LRMDA: variants seen among roughly 807,000 people sequenced by gnomAD.
LRMDA encodes the protein leucine-rich melanocyte differentiation-associated protein.
In LRMDA, 18 loss-of-function variants were observed where a neutral mutation model predicts 29.8. The observed-to-expected ratio is 0.60, with a 90% CI of 0.42 to 0.90. The LOEUF (loss-of-function observed/expected upper bound fraction) is 0.90. Among genes scored for constraint, LRMDA ranks in the 40% least tolerant of loss-of-function variants. The pLI is 0.00. For missense variants in LRMDA, 273 were observed against 273.9 expected, an observed-to-expected ratio of 1.00 and a Z score of 0.02; for synonymous variants, 125 against 109.4, an observed-to-expected ratio of 1.14 and a Z score of -0.89.
chr10:75,891,113 A>AG (rs1206064004), intron 2 of LRMDA, among the ~76,000 whole-genome samples: 3 of 151,648 alleles, frequency 2.0e-5, no homozygotes, highest in African/African-American at 4.8e-5. Flanking sequence ...TCACAAAAAA[A>AG]AAAAAGAAAG....
intron 6 of LRMDA, among the ~76,000 whole-genome samples, chr10:76,504,408 T>A (rs1373197183): frequency 6.6e-6 from 1 of 152,060 alleles, no homozygotes; most frequent in Non-Finnish European, 1.5e-5. Context: ...CAATGATATG[T>A]CAGTAAAGTC....
intron 2 of LRMDA, among the ~76,000 whole-genome samples, chr10:75,809,865 C>A (rs1843926219): frequency 6.6e-6 from 1 of 152,076 alleles, no homozygotes; most frequent in Non-Finnish European, 1.5e-5. Context: ...TTTTCAGAGT[C>A]CAATGCTAAA....
chr10:76,529,282 G>A (rs145566476), intron 6 of LRMDA, among the ~76,000 whole-genome samples: 68 of 152,182 alleles, frequency 4.5e-4, no homozygotes, highest in African/African-American at 1.6e-3. Context: ...AGGTCTTTTG[G>A]AAAGGCTTAG....
At chr10:75,696,308 C>T (rs531446344) in intron 2 of LRMDA, among the ~76,000 whole-genome samples, 75 of 152,248 alleles carry the variant, frequency 4.9e-4, no homozygotes, top group African/African-American at 1.8e-3. Context: ...CTAAAGATGG[C>T]GGAGCAGTCA....
intron 5 of LRMDA, among the ~76,000 whole-genome samples, chr10:76,093,805 A>G (rs1473911578): frequency 6.6e-6 from 1 of 152,122 alleles, no homozygotes; most frequent in East Asian, 1.9e-4. Flanking sequence ...CTGAGGTCTC[A>G]CGTTCCCCCA....
chr10:75,751,035 T>C (rs1202814489), intron 2 of LRMDA, among the ~76,000 whole-genome samples: 2 of 152,196 alleles, frequency 1.3e-5, no homozygotes, highest in African/African-American at 4.8e-5. Context: ...CATTGAGCAC[T>C]GAGTGAGCGA....
intron 2 of LRMDA, among the ~76,000 whole-genome samples, chr10:75,899,755 A>G (rs1845640210): frequency 6.6e-6 from 1 of 152,152 alleles, no homozygotes; most frequent in Non-Finnish European, 1.5e-5. Context: ...ACATATCCCC[A>G]AAGTACTAGT....
intron 5 of LRMDA, among the ~76,000 whole-genome samples, chr10:76,165,489 C>T (rs1335931982): frequency 1.3e-5 from 2 of 152,146 alleles, no homozygotes; most frequent in African/African-American, 4.8e-5. Flanking sequence ...CCAGGCTGGC[C>T]TCAAATGCCT....
At chr10:75,783,038 C>A (rs1019976071) in intron 2 of LRMDA, 1 of 1,613,954 alleles carries the variant, frequency 6.2e-7, no homozygotes, top group Non-Finnish European at 8.5e-7. Flanking sequence ...CCAGACAGGA[C>A]CCTTAATCAA....
intron 5 of LRMDA, among the ~76,000 whole-genome samples, chr10:76,317,940 AACC>A (rs1840720704): frequency 6.6e-6 from 1 of 152,166 alleles, no homozygotes; most frequent in African/African-American, 2.4e-5. Context: ...TAAAAACCAC[AACC>A]TATGTATTAT....
intron 5 of LRMDA, among the ~76,000 whole-genome samples, chr10:76,146,133 G>C (rs1480724025): frequency 6.6e-6 from 1 of 152,098 alleles, no homozygotes; most frequent in African/African-American, 2.4e-5. Context: ...TTTTGGAGTA[G>C]GTGTGGTGTG....
intron 6 of LRMDA, among the ~76,000 whole-genome samples, chr10:76,335,992 C>G (rs550236794): frequency 6.6e-6 from 1 of 152,218 alleles, no homozygotes; most frequent in East Asian, 1.9e-4. Context: ...TTGGAGTGCC[C>G]TGGCCAACAG....
chr10:76,266,363 A>G (rs1840006795), intron 5 of LRMDA, among the ~76,000 whole-genome samples: 1 of 152,172 alleles, frequency 6.6e-6, no homozygotes, highest in African/African-American at 2.4e-5. Context: ...ATTACCTGTT[A>G]GCTGCTAGAG....
At chr10:75,815,987 T>G (rs1022157999) in intron 2 of LRMDA, among the ~76,000 whole-genome samples, 2 of 152,194 alleles carry the variant, frequency 1.3e-5, no homozygotes, top group African/African-American at 4.8e-5. Flanking sequence ...AATTTGAACC[T>G]AGGCAGTCTG....
At chr10:76,095,414 T>A (rs1242599684) in intron 5 of LRMDA, among the ~76,000 whole-genome samples, 1 of 152,260 alleles carries the variant, frequency 6.6e-6, no homozygotes, top group African/African-American at 2.4e-5. Flanking sequence ...TTGGTGATTA[T>A]GAATAAAGCT....
intron 2 of LRMDA, among the ~76,000 whole-genome samples, chr10:75,486,959 T>C (rs932918668): frequency 5.9e-5 from 9 of 152,218 alleles, no homozygotes; most frequent in Non-Finnish European, 1.2e-4. Flanking sequence ...CTCAGTTTGA[T>C]AGCATTAGCT....
intron 2 of LRMDA, among the ~76,000 whole-genome samples, chr10:75,936,793 C>A (rs922444924): frequency 6.6e-6 from 1 of 152,142 alleles, no homozygotes; most frequent in Non-Finnish European, 1.5e-5. Context: ...ACTCTTATGA[C>A]CTCACCACCT....
At chr10:76,412,088 A>G (rs1841968256) in intron 6 of LRMDA, among the ~76,000 whole-genome samples, 1 of 152,220 alleles carries the variant, frequency 6.6e-6, no homozygotes, top group Non-Finnish European at 1.5e-5. Flanking sequence ...AATTTTGAAC[A>G]TTTCCCAAAT....
At chr10:76,378,298 G>T (rs1395778226) in intron 6 of LRMDA, among the ~76,000 whole-genome samples, 1 of 151,466 alleles carries the variant, frequency 6.6e-6, no homozygotes, top group East Asian at 2.0e-4. Flanking sequence ...AGTCGTTAAA[G>T]TTTTCTAGGT....
Sources: allele counts gnomAD v4.1 joint callset (sites outside exome capture counted in the v4.1 genomes callset), GRCh38; gene constraint gnomAD v4.1.1; transcripts MANE v1.5; gene names NCBI Gene and HGNC (gene_info 2026-07-23, HGNC 2026-07-21).